The following NEGR1 variants were observed in gnomAD, a reference collection of about 807,000 sequenced individuals.
The protein encoded by NEGR1 is IgLON family member 4.
NEGR1 carries 10 observed loss-of-function variants against 40.9 expected under a neutral mutation model. The ratio of observed to expected loss-of-function variants is 0.24; its 90% confidence interval spans 0.15 to 0.42. The LOEUF (loss-of-function observed/expected upper bound fraction) is 0.42. Ranked by LOEUF, NEGR1 falls within the 10% of genes least tolerant of loss-of-function variation. The pLI is 1.00. For missense variants in NEGR1, 352 were observed against 438.9 expected, an observed-to-expected ratio of 0.80 and a Z score of 1.77; for synonymous variants, 185 against 166.8, an observed-to-expected ratio of 1.11 and a Z score of -0.84.
chr1:71,767,979 T>C (rs1057371770), intron 3 of NEGR1, among the ~76,000 whole-genome samples: 1 of 152,210 alleles, frequency 6.6e-6, no homozygotes, highest in Non-Finnish European at 1.5e-5. Flanking sequence ...GTACAAGAGC[T>C]GAGGCTTGGA....
intron 2 of NEGR1, among the ~76,000 whole-genome samples, chr1:71,856,246 TAA>T (rs1229117086): frequency 6.6e-6 from 1 of 151,948 alleles, no homozygotes; most frequent in Non-Finnish European, 1.5e-5. Context: ...TAAGGAAATA[TAA>T]GTTTATAAGG....
intron 2 of NEGR1, among the ~76,000 whole-genome samples, chr1:71,898,879 CAAATATATATATATTGCA>C (rs1661048978): frequency 4.3e-5 from 3 of 69,314 alleles, no homozygotes; most frequent in Non-Finnish European, 8.9e-5. Context: ...ATATATATTG[CAAATATATATATATTGCA>C]AATATATATA....
chr1:72,060,032 C>T (rs1647151840), intron 1 of NEGR1, among the ~76,000 whole-genome samples: 2 of 151,674 alleles, frequency 1.3e-5, no homozygotes, highest in Admixed American at 1.3e-4. Flanking sequence ...ATCCATCTTG[C>T]AGTCCTCTGA....
intron 1 of NEGR1, among the ~76,000 whole-genome samples, chr1:72,151,066 A>G (rs1343581848): frequency 6.6e-6 from 1 of 151,900 alleles, no homozygotes; most frequent in Non-Finnish European, 1.5e-5. Flanking sequence ...CCCACCAAAC[A>G]TCGTCCTCAT....
intron 1 of NEGR1, among the ~76,000 whole-genome samples, chr1:72,222,843 A>C (rs1256459325): frequency 1.3e-5 from 2 of 152,156 alleles, no homozygotes; most frequent in East Asian, 3.9e-4. Flanking sequence ...ACACACTTAC[A>C]TCAACAATCC....
intron 6 of NEGR1, among the ~76,000 whole-genome samples, chr1:71,537,634 T>G (rs1323088374): frequency 6.6e-6 from 1 of 151,744 alleles, no homozygotes; most frequent in South Asian, 2.1e-4. Flanking sequence ...TAAGCCTTGA[T>G]GCCATAGAGG....
At chr1:71,440,718 T>G (rs150972264) in intron 6 of NEGR1, among the ~76,000 whole-genome samples, 2,320 of 152,296 alleles carry the variant, frequency 0.015, 40 homozygotes, top group South Asian at 0.085. Flanking sequence ...TTTACCAAGA[T>G]GTCCCAAGTG....
chr1:71,806,503 TA>T (rs200707171), intron 2 of NEGR1, among the ~76,000 whole-genome samples: 217 of 148,100 alleles, frequency 1.5e-3, no homozygotes, highest in African/African-American at 3.6e-3. Flanking sequence ...CCCACTATTG[TA>T]AAAAAAAAAA....
At chr1:72,035,643 G>C (rs957418365) in intron 1 of NEGR1, among the ~76,000 whole-genome samples, 1 of 152,046 alleles carries the variant, frequency 6.6e-6, no homozygotes, top group African/African-American at 2.4e-5. Context: ...GGTACCTTTG[G>C]GTGAAGCATA....
intron 1 of NEGR1, among the ~76,000 whole-genome samples, chr1:72,006,538 G>A (rs566728267): frequency 1.3e-5 from 2 of 152,120 alleles, no homozygotes; most frequent in African/African-American, 4.8e-5. Context: ...TATTCGGAAA[G>A]GAAAAGAGGT....
At chr1:71,655,081 C>A (rs539302929) in intron 4 of NEGR1, among the ~76,000 whole-genome samples, 3 of 152,288 alleles carry the variant, frequency 2.0e-5, no homozygotes, top group African/African-American at 7.2e-5. Flanking sequence ...AAAAACTACA[C>A]AGTTTTAATT....
At chr1:71,827,291 C>T (rs529838730) in intron 2 of NEGR1, among the ~76,000 whole-genome samples, 3 of 151,886 alleles carry the variant, frequency 2.0e-5, no homozygotes, top group Non-Finnish European at 4.4e-5. Context: ...GAAACAATCT[C>T]ATTTACCATT....
intron 2 of NEGR1, among the ~76,000 whole-genome samples, chr1:71,809,670 C>G (rs497074): frequency 0.63 from 95,695 of 151,992 alleles, 31,525 homozygotes; most frequent in African/African-American, 0.82. Context: ...TATTCTCTGA[C>G]TTCATAGTAT....
Position 71,776,030 on chromosome 1 carries a change from TAAA to T in NEGR1, c.535+139_535+141del, listed in dbSNP as rs1326887857. On this transcript the variant is annotated intron_variant, in intron 3 of 6. Coordinates refer to ENST00000357731, the MANE Select transcript of NEGR1 (RefSeq NM_173808.3). ...ATAAATAAATAAATAAATAAATAAATAAATAAATAAATGCATTCTGCCTACCGC... is the reference window on the plus strand; with the variant it reads ...ATAAATAAATAAATAAATAAATAAATTAAATAAATGCATTCTGCCTACCGC... 1.7e-4 allele frequency: 45 copies of T among 261,528 alleles called. No individual in the cohort carries two copies. The East Asian group carries it at 3.4e-3, about 20-fold the overall frequency. 16.2% of individuals were successfully genotyped at this position (261,528 alleles called of 1,614,324 possible). A position where few individuals can be genotyped will look rare whatever the true frequency, so the allele number is the denominator to read the frequency against.
chr1:72,105,731 G>A (rs1014400884), intron 1 of NEGR1, among the ~76,000 whole-genome samples: 72 of 152,084 alleles, frequency 4.7e-4, no homozygotes, highest in African/African-American at 1.3e-3. Context: ...GCTGACAGAC[G>A]AGCATCAAAG....
intron 2 of NEGR1, among the ~76,000 whole-genome samples, chr1:71,803,196 T>G (rs1041779247): frequency 6.6e-6 from 1 of 152,160 alleles, no homozygotes; most frequent in African/African-American, 2.4e-5. Flanking sequence ...GTCCTTATAG[T>G]AAGAGGCAGA....
chr1:71,820,846 C>T lies in NEGR1; in HGVS notation c.410-44549G>A, dbSNP rs765038202. Among the ~76,000 whole-genome samples, 70 of 152,028 alleles carry T rather than the reference C, an allele frequency of 4.6e-4. 1 individual carries two copies. The highest frequency in any genetic ancestry group is 3.4e-3 in the Middle Eastern group (1 of 294). On this transcript the variant is annotated intron_variant, in intron 2 of 6. Transcript: ENST00000357731. Reference sequence around the variant, plus strand: ...ATTAGTGCCACCCTTATAGATTTCACGAATGTAGAGGTATTTGTTCTCATA... The same window carrying T: ...ATTAGTGCCACCCTTATAGATTTCATGAATGTAGAGGTATTTGTTCTCATA...
intron 1 of NEGR1, among the ~76,000 whole-genome samples, chr1:72,128,066 C>A (rs561909861): frequency 9.9e-5 from 15 of 152,194 alleles, no homozygotes; most frequent in African/African-American, 3.6e-4. Context: ...TTAGCAAATT[C>A]TTAAAGAATT....
intron 6 of NEGR1, among the ~76,000 whole-genome samples, chr1:71,536,303 C>T (rs1647511621): frequency 6.6e-6 from 1 of 151,682 alleles, no homozygotes; most frequent in East Asian, 2.0e-4. Context: ...GGTGTTTGGG[C>T]TACGGAAGTG....
Sources: allele counts gnomAD v4.1 joint callset (sites outside exome capture counted in the v4.1 genomes callset), GRCh38; gene constraint gnomAD v4.1.1; transcripts MANE v1.5; gene names NCBI Gene and HGNC (gene_info 2026-07-23, HGNC 2026-07-21).